Variants in RBFOX1 observed in about 807,000 individuals in gnomAD.
RBFOX1 encodes RNA binding fox-1 homolog 1, also known as RNA binding protein fox-1 homolog 1.
RBFOX1 carries 8 observed loss-of-function variants against 57.7 expected under a neutral mutation model. The observed-to-expected ratio is 0.14, with a 90% CI of 0.08 to 0.25. The LOEUF is 0.25. RBFOX1 is among the 10% of genes least tolerant of loss of function. RBFOX1 has a pLI of 1.00. For synonymous variants in RBFOX1, 326 were observed against 222.4 expected, an observed-to-expected ratio of 1.47 and a Z score of -4.15; for missense variants, 611 against 548.5, an observed-to-expected ratio of 1.11 and a Z score of -1.14.
At chr16:7,506,042 G>A (rs1180380345) in intron 4 of RBFOX1, among the ~76,000 whole-genome samples, 4 of 151,786 alleles carry the variant, frequency 2.6e-5, no homozygotes, top group Non-Finnish European at 5.9e-5. Context: ...AAAGATAGCC[G>A]GGCATGGTGA....
chr16:6,052,462 C>A (rs2095562229), intron 1 of RBFOX1, among the ~76,000 whole-genome samples: 1 of 152,098 alleles, frequency 6.6e-6, no homozygotes, highest in South Asian at 2.1e-4. Context: ...GCCTTGGTAT[C>A]CTAATCTGTA....
chr16:6,780,481 T>TAG lies in RBFOX1; in HGVS notation c.-16+125832_-16+125833insGA, dbSNP rs2080775395. ...TTATATATATTTATATACATTTTTA[T>TAG]ATATATTTATATACATTTTTATATA... On this transcript the variant is annotated intron_variant, in intron 3 of 15. Transcript: ENST00000550418. 4.1e-5 allele frequency among the ~76,000 whole-genome samples: 4 copies of TAG among 97,832 alleles called. No individual in the cohort carries two copies. In the South Asian group the frequency reaches 1.4e-3, roughly 34 times the overall value. 64.2% of individuals were successfully genotyped at this position (97,832 alleles called of 152,430 possible).
chr16:5,850,799 G>A (rs923255584), intron 3 of RBFOX1, among the ~76,000 whole-genome samples: 8 of 152,194 alleles, frequency 5.3e-5, no homozygotes, highest in Non-Finnish European at 8.8e-5. Context: ...TTGCCATCTC[G>A]AAAGGGCCCC....
rs573995921 is a variant in RBFOX1, at chr16:5,720,363, C to A, written c.318+121402C>A. Among the ~76,000 whole-genome samples the A allele has an allele frequency of 2.0e-5, 3 of 152,314 alleles. No homozygotes were observed. In the South Asian group the frequency reaches 6.2e-4, roughly 32 times the overall value. ...GTAATTTCAAATATTTTCTCCCATTCTACAGGTTGTGTTTGCCATTGCTAT... is the reference window on the plus strand; with the variant it reads ...GTAATTTCAAATATTTTCTCCCATTATACAGGTTGTGTTTGCCATTGCTAT... On this transcript the variant is annotated intron_variant, in intron 3 of 19. Transcript: ENST00000641259.
chr16:7,501,114 G>A (rs1296073817), intron 4 of RBFOX1, among the ~76,000 whole-genome samples: 1 of 152,172 alleles, frequency 6.6e-6, no homozygotes, highest in African/African-American at 2.4e-5. Flanking sequence ...CCTCAGATAT[G>A]TCTTTACTTG....
intron 4 of RBFOX1, among the ~76,000 whole-genome samples, chr16:7,447,416 G>A (rs777011882): frequency 2.9e-5 from 4 of 135,736 alleles, no homozygotes; most frequent in Middle Eastern, 3.9e-3. Flanking sequence ...CTGGCCAACC[G>A]AGTGAGTCTA....
chr16:5,712,129 G>C (rs923280363), intron 3 of RBFOX1, among the ~76,000 whole-genome samples: 1 of 152,158 alleles, frequency 6.6e-6, no homozygotes, highest in Admixed American at 6.5e-5. Context: ...TCTTGTGAGA[G>C]CTCACTCTCT....
At chr16:6,669,684 A>G (rs888168122) in intron 3 of RBFOX1, among the ~76,000 whole-genome samples, 28 of 152,136 alleles carry the variant, frequency 1.8e-4, no homozygotes, top group African/African-American at 6.5e-4. Flanking sequence ...AACACTTAAG[A>G]TCTACCCTCT....
intron 4 of RBFOX1, among the ~76,000 whole-genome samples, chr16:5,941,271 A>T (rs1567171422): frequency 1.3e-5 from 2 of 152,042 alleles, no homozygotes; most frequent in African/African-American, 4.8e-5. Flanking sequence ...AGGAGGATGG[A>T]TTGAGGCCAG....
At chr16:6,812,416 C>T (rs1297389597) in intron 3 of RBFOX1, among the ~76,000 whole-genome samples, 1 of 152,136 alleles carries the variant, frequency 6.6e-6, no homozygotes, top group Admixed American at 6.6e-5. Flanking sequence ...TCTTGTCACC[C>T]AGGCTGGAGT....
At chr16:6,162,494 G>T (rs1243380362) in intron 1 of RBFOX1, among the ~76,000 whole-genome samples, 1 of 152,160 alleles carries the variant, frequency 6.6e-6, no homozygotes, top group African/African-American at 2.4e-5. Context: ...TATATAAAAT[G>T]TGACAACTAT....
chr16:7,094,784 G>T (rs1457601776), intron 4 of RBFOX1, among the ~76,000 whole-genome samples: 2 of 142,150 alleles, frequency 1.4e-5, no homozygotes, highest in African/African-American at 4.9e-5. Flanking sequence ...GTGGGTGTGT[G>T]TGTGTGTTGA....
chr16:5,702,414 C>T (rs753999448), intron 3 of RBFOX1, among the ~76,000 whole-genome samples: 1 of 152,210 alleles, frequency 6.6e-6, no homozygotes. Flanking sequence ...CACCGTGTCC[C>T]TCCTTCAATT....
intron 4 of RBFOX1, among the ~76,000 whole-genome samples, chr16:7,190,235 T>C (rs1328920212): frequency 6.6e-6 from 1 of 152,132 alleles, no homozygotes; most frequent in African/African-American, 2.4e-5. Context: ...GTGGCACACC[T>C]GTAATCCCAG....
intron 4 of RBFOX1, among the ~76,000 whole-genome samples, chr16:7,333,589 G>A (rs2096731451): frequency 6.6e-6 from 1 of 152,134 alleles, no homozygotes; most frequent in African/African-American, 2.4e-5. Flanking sequence ...GAGGCAAGAA[G>A]GAACACTCTA....
intron 4 of RBFOX1, among the ~76,000 whole-genome samples, chr16:7,427,880 C>G (rs1001740877): frequency 6.6e-6 from 1 of 152,158 alleles, no homozygotes; most frequent in African/African-American, 2.4e-5. Flanking sequence ...TCTCAAACCC[C>G]TGACCTCAGA....
At chr16:5,404,019 G>T (rs1203418542) in intron 1 of RBFOX1, among the ~76,000 whole-genome samples, 2 of 148,680 alleles carry the variant, frequency 1.3e-5, no homozygotes, top group African/African-American at 5.0e-5. Flanking sequence ...GTGGGAAGCA[G>T]GTTTGGTGCA....
At chr16:6,844,774 A>G (rs2093671520) in intron 3 of RBFOX1, among the ~76,000 whole-genome samples, 1 of 152,176 alleles carries the variant, frequency 6.6e-6, no homozygotes, top group Admixed American at 6.5e-5. Flanking sequence ...CATCTTCTGC[A>G]ATGGTTGAAC....
At chr16:6,516,947 A>C (rs1235301678) in intron 2 of RBFOX1, among the ~76,000 whole-genome samples, 1 of 152,162 alleles carries the variant, frequency 6.6e-6, no homozygotes, top group Non-Finnish European at 1.5e-5. Context: ...TTCCTCCACA[A>C]ATATGCTCTG....
Sources: allele counts gnomAD v4.1 joint callset (sites outside exome capture counted in the v4.1 genomes callset), GRCh38; gene constraint gnomAD v4.1.1; transcripts MANE v1.5; gene names NCBI Gene and HGNC (gene_info 2026-07-23, HGNC 2026-07-21).